TMPRSS15: variants seen among roughly 807,000 people sequenced by gnomAD.
The protein encoded by TMPRSS15 is transmembrane serine protease 15, also known as enteropeptidase.
In TMPRSS15, 128 loss-of-function variants were observed where a neutral mutation model predicts 125.3. That is an observed-to-expected ratio of 1.02 (90% confidence interval 0.89 to 1.18). TMPRSS15 has a LOEUF of 1.18. Ranked by LOEUF, TMPRSS15 falls within the 50% of genes most tolerant of loss-of-function variation. The pLI is 0.00. For synonymous variants in TMPRSS15, 446 were observed against 423.2 expected (o/e 1.05, Z -0.66); for missense variants, 1,283 against 1,212.7 (o/e 1.06, Z -0.86).
At chr21:18,360,733 T>A (rs1351297339) in intron 7 of TMPRSS15, among the ~76,000 whole-genome samples, 3 of 152,152 alleles carry the variant, frequency 2.0e-5, no homozygotes, top group Non-Finnish European at 4.4e-5. Context: ...CCAGGTTTGT[T>A]ATTTTTTCAG....
chr21:18,273,661 G>A (rs1279098080), intron 24 of TMPRSS15, among the ~76,000 whole-genome samples: 2 of 152,156 alleles, frequency 1.3e-5, no homozygotes, highest in African/African-American at 2.4e-5. Flanking sequence ...CCCATTAGCT[G>A]TAATTGAAGT....
chr21:18,361,973 T>C (rs1247275458), intron 7 of TMPRSS15, among the ~76,000 whole-genome samples: 3 of 152,034 alleles, frequency 2.0e-5, no homozygotes, highest in Non-Finnish European at 4.4e-5. Context: ...GGAATGTATA[T>C]TTTGAGAAGC....
intron 1 of TMPRSS15, among the ~76,000 whole-genome samples, chr21:18,480,532 GT>G (rs1978963634): frequency 6.6e-6 from 1 of 151,788 alleles, no homozygotes; most frequent in Non-Finnish European, 1.5e-5. Flanking sequence ...AAACCGGCAA[GT>G]TTAGTTTGTA....
chr21:18,352,329 A>G (rs1377853497), intron 10 of TMPRSS15, among the ~76,000 whole-genome samples: 2 of 152,060 alleles, frequency 1.3e-5, no homozygotes, highest in Non-Finnish European at 2.9e-5. Flanking sequence ...ACCTTGCCCT[A>G]TTAGCATGCT....
At chr21:18,391,991 T>C (rs981265040) in intron 3 of TMPRSS15, among the ~76,000 whole-genome samples, 14 of 152,170 alleles carry the variant, frequency 9.2e-5, no homozygotes, top group Admixed American at 8.5e-4. Context: ...TGGCTGGAGC[T>C]GGAGTGGCTG....
At chr21:18,392,488 C>T (rs779315076) in intron 3 of TMPRSS15, among the ~76,000 whole-genome samples, 1 of 152,136 alleles carries the variant, frequency 6.6e-6, no homozygotes, top group African/African-American at 2.4e-5. Flanking sequence ...TGGACTTCAT[C>T]GTCCATATCA....
intron 14 of TMPRSS15, 69 bp downstream of exon 14, chr21:18,332,015 T>A: frequency 7.4e-7 from 1 of 1,350,752 alleles, no homozygotes; most frequent in Non-Finnish European, 1.1e-6. Flanking sequence ...TCTACTTTGC[T>A]GCGTCAAGGG....
chr21:18,434,053 G>A (rs529556378), intron 1 of TMPRSS15, among the ~76,000 whole-genome samples: 9 of 152,094 alleles, frequency 5.9e-5, no homozygotes, highest in South Asian at 2.1e-4. Context: ...ACTGCTCTGC[G>A]GTGCAAGATT....
intron 13 of TMPRSS15, among the ~76,000 whole-genome samples, chr21:18,339,884 CA>C (rs1173946700): frequency 6.6e-6 from 1 of 152,088 alleles, no homozygotes; most frequent in Non-Finnish European, 1.5e-5. Context: ...TCTGAAATGT[CA>C]CGCTTCCAAT....
At chr21:18,325,641 T>C (rs1029793780) in intron 16 of TMPRSS15, among the ~76,000 whole-genome samples, 19 of 152,036 alleles carry the variant, frequency 1.2e-4, no homozygotes, top group Admixed American at 6.6e-5. Flanking sequence ...ATGTAGGAAG[T>C]AGCATATATT....
At chr21:18,474,880 C>T (rs1307948378) in intron 1 of TMPRSS15, among the ~76,000 whole-genome samples, 1 of 152,130 alleles carries the variant, frequency 6.6e-6, no homozygotes, top group Admixed American at 6.6e-5. Flanking sequence ...AGCTCAGACA[C>T]AGGTACAAGA....
At position 18,383,620 on chromosome 21, in the gene TMPRSS15, C is replaced by T. The variant is rs780405170; in HGVS notation, c.496+7G>A. 5.6e-6 allele frequency: 9 copies of T among 1,613,112 alleles called. No homozygotes were observed. The highest frequency in any genetic ancestry group is 7.6e-6 in the Non-Finnish European group (9 of 1,179,790). On this transcript the variant is annotated splice_region_variant and intron_variant, in intron 4 of 24. Transcript: ENST00000284885. ...ATTCAAAGAAATCAAATAATGTTCA[C>T]ACATACCTAGGATATCAACGCTGTT...
intron 1 of TMPRSS15, among the ~76,000 whole-genome samples, chr21:18,403,161 T>C (rs1485185390): frequency 6.6e-6 from 1 of 152,198 alleles, no homozygotes; most frequent in Non-Finnish European, 1.5e-5. Context: ...TGAAATCTAC[T>C]TGATTATATG....
In TMPRSS15 at chr21:18,413,930, A is replaced by C. The variant is rs79918154; in HGVS notation, c.11-15601T>G. Among the ~76,000 whole-genome samples, 531 of 152,222 alleles carry C rather than the reference A, an allele frequency of 3.5e-3. 4 individuals are homozygous for C. Among genetic ancestry groups the C allele is most frequent in the East Asian group, 0.024 (123 of 5,176 alleles). On this transcript the variant is annotated intron_variant, in intron 1 of 7. Coordinates refer to the TMPRSS15 transcript ENST00000422787. Reference sequence around the variant, plus strand: ...TTTTGTAGAGACAGGCTCATAATGCACTTAAAAAAATAATTAAAATAATTT... The same window carrying C: ...TTTTGTAGAGACAGGCTCATAATGCCCTTAAAAAAATAATTAAAATAATTT...
In TMPRSS15 at chr21:18,474,690, T is replaced by C. The variant is rs529871322; in HGVS notation, c.10+11109A>G. Among the ~76,000 whole-genome samples, 25 of 152,332 alleles carry C rather than the reference T, an allele frequency of 1.6e-4. No homozygotes were observed. The South Asian group carries it at 5.2e-3, about 32-fold the overall frequency. The stretch of plus-strand genomic sequence containing the variant: ...TTCAAAGAAGCTAGTAAGAGCTAAA[T>C]AGCCAAAAGCTGAGAAGATCAGAAC... On this transcript the variant is annotated intron_variant, in intron 1 of 7. Coordinates refer to the TMPRSS15 transcript ENST00000422787.
At chr21:18,425,593 T>G (rs1368774330) in intron 1 of TMPRSS15, among the ~76,000 whole-genome samples, 1 of 152,176 alleles carries the variant, frequency 6.6e-6, no homozygotes, top group East Asian at 1.9e-4. Flanking sequence ...GATATGTGAA[T>G]GAATCATAAG....
intron 18 of TMPRSS15, among the ~76,000 whole-genome samples, chr21:18,301,655 G>A (rs8133660): frequency 0.1 from 15,745 of 152,140 alleles, 1,155 homozygotes; most frequent in East Asian, 0.34. Context: ...TCTTTAAAAT[G>A]TTCCATATTT....
At chr21:18,473,791 CATT>C (rs1568737172) in intron 1 of TMPRSS15, among the ~76,000 whole-genome samples, 1 of 152,016 alleles carries the variant, frequency 6.6e-6, no homozygotes, top group Admixed American at 6.6e-5. Flanking sequence ...TATTGTAATT[CATT>C]ATTAAGTAAG....
rs1235619873 is a variant in TMPRSS15 at position 18,345,740 on chromosome 21, C to CAAAAAAAAAAAAAAAA, written c.1172-1696_1172-1681dup. On this transcript the variant is annotated intron_variant, in intron 10 of 24. Transcript: ENST00000284885. ...TAGGCGACAGAGTGAGACTCCGTCT[C>CAAAAAAAAAAAAAAAA]AAAAAAAAAAAAAAAAAAAAAATCC... Among the ~76,000 whole-genome samples the CAAAAAAAAAAAAAAAA allele has an allele frequency of 9.8e-3, 152 of 15,556 alleles. 35 individuals are homozygous for CAAAAAAAAAAAAAAAA. The highest frequency in any genetic ancestry group is 0.012 in the Non-Finnish European group (88 of 7,266). 10.2% of individuals were successfully genotyped at this position (15,556 alleles called of 152,430 possible). A position where few individuals can be genotyped will look rare whatever the true frequency, so the allele number is the denominator to read the frequency against.
Sources: gnomAD v4.1 joint callset for allele counts (sites outside exome capture counted in the v4.1 genomes callset) on GRCh38, gnomAD v4.1.1 for gene constraint, MANE v1.5 for transcripts, NCBI Gene and HGNC (gene_info 2026-07-23, HGNC 2026-07-21) for gene names.